The following SLC25A47 variants were observed in gnomAD, a reference collection of about 807,000 sequenced individuals.
SLC25A47 encodes the protein solute carrier family 25 member 47, also known as HCC-down-regulated mitochondrial carrier protein.
SLC25A47 carries 30 observed loss-of-function variants against 29.8 expected under a neutral mutation model. The observed-to-expected ratio is 1.01, with a 90% CI of 0.75 to 1.36. The LOEUF (loss-of-function observed/expected upper bound fraction) is 1.36. Among genes scored for constraint, SLC25A47 ranks in the 40% most tolerant of loss-of-function variants. The probability of loss-of-function intolerance (pLI) is 0.00; values close to 1 mark genes in which losing one functional copy is unlikely to be tolerated. For synonymous variants in SLC25A47, 204 were observed against 197.8 expected (o/e 1.03, Z -0.26); for missense variants, 430 against 441.9 (o/e 0.97, Z 0.24).
At position 100,329,494 on chromosome 14, in the gene SLC25A47, T is replaced by G. The variant is rs1044047766; in HGVS notation, c.776T>G (p.Leu259Arg). 7 of 1,613,320 alleles carry G rather than the reference T, an allele frequency of 4.3e-6. No individual in the cohort carries two copies. In the Admixed American group the frequency reaches 6.7e-5, roughly 15 times the overall value. Residue 259 changes from leucine (L) to arginine (R), a missense_variant, in exon 6 of 6, where the codon CTG (leucine) becomes CGG (arginine). Transcript: ENST00000361529. ...GGCCAGAGGCGCTACCGGGGTCTCC[T>G]GCACTGTATGGTGACCAGCGTTCGA... ...GQGQRRYRGL[L>R]HCMVTSVREE...
chr14:100,326,084 C>A, intron 2 of SLC25A47, 73 bp from the exon 3 acceptor site: 1 of 1,311,204 alleles, frequency 7.6e-7, no homozygotes, highest in Non-Finnish European at 1.1e-6. Flanking sequence ...TGTGACTCTG[C>A]CCCTTCCCCA....
Position 100,329,374 on chromosome 14 carries a change from G to T in SLC25A47, c.656G>T (p.Gly219Val). Residue 219 changes from glycine (G) to valine (V), a missense_variant, in exon 6 of 6, where the codon GGC (glycine) becomes GTC (valine). By Grantham distance (109) the Gly-to-Val change is moderately radical. Coordinates refer to ENST00000361529, the MANE Select transcript of SLC25A47 (RefSeq NM_207117.4). ...TGTGGTCTCTCTGCAGATGTCCCGG[G>T]CGTGCTGGTGGCCGGGGGCTGTGCA... is the stretch of plus-strand genomic sequence containing the variant. Reference protein sequence around the residue: ...PAGHSRPDVPGVLVAGGCAGV... With the variant: ...PAGHSRPDVPVVLVAGGCAGV... 1.2e-6 allele frequency: 2 copies of T among 1,602,238 alleles called. No homozygotes were observed. Among genetic ancestry groups the T allele is most frequent in the Non-Finnish European group, 8.5e-7 (1 of 1,174,338 alleles).
In SLC25A47 at chr14:100,325,465, G is replaced by A. The variant is rs137900253; in HGVS notation, c.29-323G>A. Reference sequence around the variant, plus strand: ...TAGGGTAGGATCAAACGTTCTCTCAGAGCATGACGCCCGTGGGGAGGCCGG... The same window carrying A: ...TAGGGTAGGATCAAACGTTCTCTCAAAGCATGACGCCCGTGGGGAGGCCGG... On this transcript the variant is annotated intron_variant, in intron 1 of 5. Coordinates refer to ENST00000361529, the MANE Select transcript of SLC25A47 (RefSeq NM_207117.4). 2.6e-5 allele frequency among the ~76,000 whole-genome samples: 4 copies of A among 152,344 alleles called. No individual in the cohort carries two copies. The East Asian group carries it at 7.7e-4, about 29-fold the overall frequency.
rs1396893861 is a variant in SLC25A47 at position 100,329,594 on chromosome 14, C to G, written c.876C>G (p.Val292=). The G allele has an allele frequency of 6.2e-7, 1 of 1,613,680 alleles. No individual in the cohort carries two copies. Among genetic ancestry groups the G allele is most frequent in the East Asian group, 2.2e-5 (1 of 44,876 alleles). Residue 292 remains valine (V), a synonymous_variant, in exon 6 of 6, where the codon GTC becomes GTG. Coordinates refer to ENST00000361529, the MANE Select transcript of SLC25A47 (RefSeq NM_207117.4). ...GCGCCTTCCCTGTCAACATGGTGGT[C>G]TTCGTCGCCTATGAGGCAGTGCTGA... The part of the protein sequence containing the change: ...CCRAFPVNMV[V]FVAYEAVLRL...
rs1893390037 is a variant in SLC25A47, at chr14:100,328,869, C to T, written c.471C>T (p.Pro157=). The change falls in exon 5 of 6, where the codon CCC becomes CCT. Residue 157 remains proline (P), a synonymous_variant. Transcript: ENST00000361529. The stretch of plus-strand genomic sequence containing the variant: ...CTGTGCCCCCAGCCTGCCCAGAGCC[C>T]AAGTACCGCGGGCCACTGCACTGCC... ...MCPVPPACPE[P]KYRGPLHCLA... is the part of the protein sequence containing the mutation. 1.2e-6 allele frequency: 2 copies of T among 1,612,218 alleles called. No individual in the cohort carries two copies. Among genetic ancestry groups the T allele is most frequent in the South Asian group, 1.1e-5 (1 of 91,070 alleles).
Position 100,323,376 on chromosome 14 carries a change from A to T in SLC25A47, c.-39A>T, listed in dbSNP as rs977339625. On this transcript the variant is annotated 5_prime_UTR_variant, in exon 1 of 6. Transcript: ENST00000361529. Reference sequence around the variant, plus strand: ...ACCCTGGTGGCACCAAAGCCCTCTCAGGCAGGCAGACCCAGGGCCTCCCCG... The same window carrying T: ...ACCCTGGTGGCACCAAAGCCCTCTCTGGCAGGCAGACCCAGGGCCTCCCCG... The T allele has an allele frequency of 6.2e-7, 1 of 1,611,720 alleles. No individual in the cohort carries two copies. Among genetic ancestry groups the T allele is most frequent in the Non-Finnish European group, 8.5e-7 (1 of 1,179,388 alleles).
intron 4 of SLC25A47, among the ~76,000 whole-genome samples, chr14:100,328,361 T>C (rs1893378545): frequency 6.6e-6 from 1 of 152,254 alleles, no homozygotes; most frequent in Admixed American, 6.5e-5. Flanking sequence ...TCCGCCTGCC[T>C]TGACCTCCCA....
chr14:100,325,766 T>C (rs200535602), intron 1 of SLC25A47, 22 bp from the exon 2 acceptor site: 1 of 1,612,040 alleles, frequency 6.2e-7, no homozygotes, highest in East Asian at 2.2e-5. Flanking sequence ...CTCCTCACCG[T>C]GGGCCTCTTC....
At position 100,327,364 on chromosome 14, in the gene SLC25A47, C is replaced by G. The variant is rs527573085; in HGVS notation, c.321C>G (p.Leu107=). 26 of 1,593,124 alleles carry G rather than the reference C, an allele frequency of 1.6e-5. No homozygotes were observed. In the Admixed American group the frequency reaches 3.7e-4, roughly 23 times the overall value. Residue 107 remains leucine (L), a synonymous_variant, in exon 4 of 6, where the codon CTC becomes CTG. Coordinates refer to ENST00000361529, the MANE Select transcript of SLC25A47 (RefSeq NM_207117.4). ...DITLSGCASG[L]VRVFLTSPTE... ...CGCTCTCGGGATGCGCCTCCGGCCT[C>G]GTCCGCGTGAGTAGGGGCAGCCAGG...
At chr14:100,326,083 G>A in intron 2 of SLC25A47, 74 bp from the exon 3 acceptor site, 1 of 1,303,344 alleles carries the variant, frequency 7.7e-7, no homozygotes, top group Non-Finnish European at 1.1e-6. Context: ...GTGTGACTCT[G>A]CCCCTTCCCC....
At position 100,325,480 on chromosome 14, in the gene SLC25A47, G is replaced by T. The variant is rs558320272; in HGVS notation, c.29-308G>T. On this transcript the variant is annotated intron_variant, in intron 1 of 5. Transcript: ENST00000361529. Reference sequence around the variant, plus strand: ...CGTTCTCTCAGAGCATGACGCCCGTGGGGAGGCCGGGGCATGTCGGCATGT... The same window carrying T: ...CGTTCTCTCAGAGCATGACGCCCGTTGGGAGGCCGGGGCATGTCGGCATGT... 1.6e-4 allele frequency among the ~76,000 whole-genome samples: 24 copies of T among 152,342 alleles called. 1 individual carries two copies. In the South Asian group the frequency reaches 5.0e-3, roughly 32 times the overall value.
chr14:100,328,146 C>T (rs1467917735), intron 4 of SLC25A47, among the ~76,000 whole-genome samples: 4 of 145,650 alleles, frequency 2.7e-5, no homozygotes, highest in East Asian at 2.0e-4. Context: ...GAGTCTTGCT[C>T]GGTTACCCAG....
At chr14:100,328,402 C>T (rs559389975) in intron 4 of SLC25A47, among the ~76,000 whole-genome samples, 5 of 152,330 alleles carry the variant, frequency 3.3e-5, no homozygotes, top group Admixed American at 6.5e-5. Context: ...TGAGCCGCTG[C>T]GCCTGGCCAT....
chr14:100,327,038 A>G, intron 3 of SLC25A47, 150 bp from the exon 4 acceptor site: 7 of 725,844 alleles, frequency 9.6e-6, no homozygotes, highest in Non-Finnish European at 1.1e-5. Context: ...TGTGACCTCC[A>G]TCTTACAGCA....
intron 1 of SLC25A47, among the ~76,000 whole-genome samples, chr14:100,323,720 C>T (rs746991077): frequency 3.3e-5 from 5 of 151,830 alleles, no homozygotes; most frequent in Non-Finnish European, 7.4e-5. Flanking sequence ...GCTCGGGAGG[C>T]AGAGTCAGGG....
intron 1 of SLC25A47, 24 bp from the exon 2 acceptor site, chr14:100,325,764 C>G: frequency 6.2e-7 from 1 of 1,611,254 alleles, no homozygotes; most frequent in Non-Finnish European, 8.5e-7. Context: ...CTCTCCTCAC[C>G]GTGGGCCTCT....
rs770380201 is a variant in SLC25A47, at chr14:100,328,756, A to C, written c.358A>C (p.Lys120Gln). 6.2e-7 allele frequency: 1 copy of C among 1,613,022 alleles called. No individual in the cohort carries two copies. The highest frequency in any genetic ancestry group is 8.5e-7 in the Non-Finnish European group (1 of 1,179,950). Reference sequence around the variant, plus strand: ...CCTGACGTCGCCCACTGAGGTGGCCAAAGTCCGCTTGCAGACGCAGACACA... The same window carrying C: ...CCTGACGTCGCCCACTGAGGTGGCCCAAGTCCGCTTGCAGACGCAGACACA... Reference protein sequence around the residue: ...VFLTSPTEVAKVRLQTQTQAQ... With the variant: ...VFLTSPTEVAQVRLQTQTQAQ... The change falls in exon 5 of 6, where the codon AAA (lysine) becomes CAA (glutamine). Residue 120 changes from lysine (K) to glutamine (Q), a missense_variant. Lys to Gln is a moderately conservative substitution (Grantham distance 53). Coordinates refer to ENST00000361529, the MANE Select transcript of SLC25A47 (RefSeq NM_207117.4).
At chr14:100,323,556 C>T (rs950972454) in intron 1 of SLC25A47, 114 bp downstream of exon 1, 11 of 1,265,484 alleles carry the variant, frequency 8.7e-6, no homozygotes, top group Admixed American at 3.8e-5. Context: ...GCCCCTCACC[C>T]CCCAGGATCT....
At chr14:100,324,263 C>T (rs1470561564) in intron 1 of SLC25A47, among the ~76,000 whole-genome samples, 4 of 151,972 alleles carry the variant, frequency 2.6e-5, no homozygotes, top group East Asian at 3.9e-4. Flanking sequence ...CTTGTTCTGT[C>T]GCCTAGGCTG....
Sources: gnomAD v4.1 joint callset for allele counts (sites outside exome capture counted in the v4.1 genomes callset) on GRCh38, gnomAD v4.1.1 for gene constraint, MANE v1.5 for transcripts, NCBI Gene and HGNC (gene_info 2026-07-23, HGNC 2026-07-21) for gene names.